The following DOCK4 variants were observed in gnomAD, a reference collection of about 807,000 sequenced individuals.
DOCK4 encodes the protein dedicator of cytokinesis 4, also known as dedicator of cytokinesis protein 4.
In DOCK4, 97 loss-of-function variants were observed where a neutral mutation model predicts 268.1. The observed-to-expected ratio is 0.36, with a 90% CI of 0.31 to 0.43. The LOEUF (loss-of-function observed/expected upper bound fraction) is 0.43, where lower values mean the gene tolerates loss of function less well. Ranked by LOEUF, DOCK4 falls within the 20% of genes least tolerant of loss-of-function variation. The pLI is 1.00. For synonymous variants in DOCK4, 954 were observed against 887.2 expected (o/e 1.08, Z -1.34); for missense variants, 2,145 against 2,455.7 (o/e 0.87, Z 2.67).
intron 1 of DOCK4, among the ~76,000 whole-genome samples, chr7:112,192,419 T>C (rs565683582): frequency 6.6e-5 from 10 of 152,190 alleles, no homozygotes; most frequent in Non-Finnish European, 1.2e-4. Flanking sequence ...AGTATCTCAA[T>C]ATGAAACTTC....
chr7:112,096,652 A>G (rs1168325230), intron 1 of DOCK4, among the ~76,000 whole-genome samples: 2 of 152,250 alleles, frequency 1.3e-5, no homozygotes, highest in African/African-American at 4.8e-5. Flanking sequence ...AGACAAGAAG[A>G]ATCTAACGCC....
intron 1 of DOCK4, among the ~76,000 whole-genome samples, chr7:112,196,271 A>G (rs1369508653): frequency 6.6e-6 from 1 of 152,180 alleles, no homozygotes; most frequent in Non-Finnish European, 1.5e-5. Context: ...AAGTTATTAT[A>G]TACCATGTAC....
chr7:112,196,443 C>G (rs1013102022), intron 1 of DOCK4, among the ~76,000 whole-genome samples: 1 of 152,212 alleles, frequency 6.6e-6, no homozygotes, highest in Non-Finnish European at 1.5e-5. Flanking sequence ...CCACAGTACA[C>G]TTCTCAATGG....
chr7:111,734,275 C>T (rs1433109871), intron 51 of DOCK4, among the ~76,000 whole-genome samples: 1 of 152,118 alleles, frequency 6.6e-6, no homozygotes, highest in Non-Finnish European at 1.5e-5. Flanking sequence ...TCTTGGTTCA[C>T]TGCAACCTCT....
chr7:111,742,987 G>A (rs1030824653), intron 44 of DOCK4, among the ~76,000 whole-genome samples: 15 of 150,864 alleles, frequency 9.9e-5, no homozygotes, highest in African/African-American at 3.4e-4. Flanking sequence ...GCTAGACTCT[G>A]TCTCCAAAAA....
At chr7:111,860,115 CTG>C (rs1563603928) in intron 23 of DOCK4, among the ~76,000 whole-genome samples, 1 of 152,210 alleles carries the variant, frequency 6.6e-6, no homozygotes, top group African/African-American at 2.4e-5. Context: ...CTGACACTGT[CTG>C]TGGAGCCTGC....
intron 1 of DOCK4, among the ~76,000 whole-genome samples, chr7:112,055,260 G>A (rs1805709990): frequency 6.6e-6 from 1 of 152,096 alleles, no homozygotes. Flanking sequence ...TACATTTAAG[G>A]TAGATTAATA....
intron 12 of DOCK4, among the ~76,000 whole-genome samples, chr7:111,923,633 T>TCCTTTATCTGCACATTTTATC (rs1793343258): frequency 6.6e-6 from 1 of 152,240 alleles, no homozygotes; most frequent in Non-Finnish European, 1.5e-5. Context: ...AACATTTTCT[T>TCCTTTATCTGCACATTTTATC]CTTTTATCTG....
chr7:112,156,576 T>C (rs1232869234), intron 1 of DOCK4, among the ~76,000 whole-genome samples: 1 of 152,226 alleles, frequency 6.6e-6, no homozygotes, highest in African/African-American at 2.4e-5. Flanking sequence ...TGCTACTTTC[T>C]ATGATGTAGT....
chr7:112,127,523 C>G (rs948424087), intron 1 of DOCK4, among the ~76,000 whole-genome samples: 80 of 151,194 alleles, frequency 5.3e-4, no homozygotes, highest in African/African-American at 1.6e-3. Context: ...AACTAACCTG[C>G]ACATTGTGCA....
chr7:111,885,139 T>A (rs147618251), intron 16 of DOCK4, among the ~76,000 whole-genome samples: 8 of 152,312 alleles, frequency 5.3e-5, no homozygotes, highest in African/African-American at 1.9e-4. Flanking sequence ...GTGCTTTAAT[T>A]GGAAATATTA....
chr7:111,778,507 A>C (rs767778404), intron 35 of DOCK4, 138 bp from the exon 36 acceptor site: 1 of 491,822 alleles, frequency 2.0e-6, no homozygotes, highest in East Asian at 3.4e-5. Context: ...CTAAAAATGA[A>C]ATAAGGTGGC....
In DOCK4 at chr7:111,790,447, T is replaced by C. The variant is rs1245753778; in HGVS notation, c.3315+10A>G. 6.2e-7 allele frequency: 1 copy of C among 1,613,116 alleles called. No individual in the cohort carries two copies. The highest frequency in any genetic ancestry group is 8.5e-7 in the Non-Finnish European group (1 of 1,179,470). On this transcript the variant is annotated intron_variant, in intron 31 of 52. Coordinates refer to ENST00000428084, the MANE Select transcript of DOCK4 (RefSeq NM_001363540.2). ...CTCTTCCAACTCTTCTGAGGAGCAC[T>C]TCTGCCTACCTGTTTAAAGTTGCCA...
At chr7:112,192,957 A>T (rs969099286) in intron 1 of DOCK4, among the ~76,000 whole-genome samples, 2 of 152,120 alleles carry the variant, frequency 1.3e-5, no homozygotes, top group Non-Finnish European at 2.9e-5. Flanking sequence ...AAAGAAAAGA[A>T]ATTCCTCCAA....
At chr7:111,871,527 C>T (rs1323349282) in intron 20 of DOCK4, among the ~76,000 whole-genome samples, 1 of 152,242 alleles carries the variant, frequency 6.6e-6, no homozygotes, top group Non-Finnish European at 1.5e-5. Context: ...GCATAAAGTA[C>T]AGTGCCTGGC....
intron 1 of DOCK4, among the ~76,000 whole-genome samples, chr7:112,162,483 G>A (rs568454470): frequency 2.3e-4 from 35 of 149,922 alleles, no homozygotes; most frequent in Admixed American, 4.6e-4. Flanking sequence ...GATGTTGGGA[G>A]GAAGAGAGTG....
rs1260375985 is a variant in DOCK4 at position 111,726,162 on chromosome 7, C to G, written c.*2112G>C. The G allele has an allele frequency of 6.6e-6, 1 of 152,632 alleles. No homozygotes were observed. 9.5% of individuals were successfully genotyped at this position (152,632 alleles called of 1,614,324 possible). On this transcript the variant is annotated 3_prime_UTR_variant, in exon 53 of 53. Coordinates refer to ENST00000428084, the MANE Select transcript of DOCK4 (RefSeq NM_001363540.2). ...ATATTTACCATTCAGCAGCAACCAA[C>G]ATGAACATGTGGGCTAACAGAATCT...
At chr7:111,869,333 G>A in intron 21 of DOCK4, 1 of 451,152 alleles carries the variant, frequency 2.2e-6, no homozygotes. Flanking sequence ...TTCACTTCAA[G>A]TACTCTCCAG....
chr7:111,804,410 AT>A (rs1800519109), intron 30 of DOCK4, among the ~76,000 whole-genome samples: 2 of 152,260 alleles, frequency 1.3e-5, no homozygotes, highest in Non-Finnish European at 2.9e-5. Context: ...AGAAAGTAGA[AT>A]GGTAGTACCA....
Sources: allele counts gnomAD v4.1 joint callset (sites outside exome capture counted in the v4.1 genomes callset), GRCh38; gene constraint gnomAD v4.1.1; transcripts MANE v1.5; gene names NCBI Gene and HGNC (gene_info 2026-07-23, HGNC 2026-07-21).